TRIM5: variants seen among roughly 807,000 people sequenced by gnomAD.
TRIM5 encodes the protein tripartite motif-containing protein 5.
Under a neutral mutation model 35.6 loss-of-function variants are expected in TRIM5, and 31 were observed. The ratio of observed to expected loss-of-function variants is 0.87; its 90% CI spans 0.65 to 1.18. The LOEUF (loss-of-function observed/expected upper bound fraction) is 1.18, where lower values mean the gene tolerates loss of function less well. Among genes scored for constraint, TRIM5 ranks in the 50% most tolerant of loss-of-function variants. The probability of loss-of-function intolerance (pLI) is 0.00; values close to 1 mark genes in which losing one functional copy is unlikely to be tolerated. For synonymous variants in TRIM5, 243 were observed against 215.6 expected (o/e 1.13, Z -1.11); for missense variants, 609 against 591.6 (o/e 1.03, Z -0.31).
the TRIM5 span, chr11:5,634,513 AC>A: frequency 1.9e-6 from 1 of 532,732 alleles, no homozygotes; most frequent in Non-Finnish European, 2.9e-6. Context: ...ACACACACAC[AC>A]ACACACACAC....
At chr11:5,627,633 G>C in the TRIM5 span, among the ~76,000 whole-genome samples, 14 of 152,300 alleles carry the variant, frequency 9.2e-5, no homozygotes, top group East Asian at 2.7e-3. Context: ...CTTGGGGAGA[G>C]AGTCATTAAT....
chr11:5,656,031 G>T, the TRIM5 span, among the ~76,000 whole-genome samples: 1 of 152,076 alleles, frequency 6.6e-6, no homozygotes, highest in African/African-American at 2.4e-5. Flanking sequence ...TTAAACATAA[G>T]ACCTAAAACC....
the TRIM5 span, among the ~76,000 whole-genome samples, chr11:5,617,697 C>A: frequency 7.0e-6 from 1 of 143,202 alleles, no homozygotes; most frequent in Non-Finnish European, 1.5e-5. Context: ...GCCATGTTAG[C>A]CAGGCTGGTC....
At chr11:5,666,190 T>C (rs773304830) in intron 5 of TRIM5, 109 bp from the exon 6 acceptor site, 1 of 914,170 alleles carries the variant, frequency 1.1e-6, no homozygotes, top group Non-Finnish European at 1.7e-6. Context: ...AACTCTCTTC[T>C]TGGGGATCCT....
At position 5,665,667 on chromosome 11, in the gene TRIM5, C is replaced by A; in HGVS notation, c.884G>T (p.Arg295Leu). 1 of 1,528,754 alleles carries A rather than the reference C, an allele frequency of 6.5e-7. No individual in the cohort carries two copies. Among genetic ancestry groups the A allele is most frequent in the South Asian group, 1.4e-5 (1 of 73,886 alleles). 94.7% of individuals were successfully genotyped at this position (1,528,754 alleles called of 1,614,324 possible). The change falls in exon 7 of 8, where the codon CGA becomes CTA. Residue 295 changes from arginine to leucine, a missense_variant. Physicochemically the swap from Arg to Leu is moderately radical, Grantham distance 102. Transcript: ENST00000380034. ...LEVFRELTDVRRYWVDVTVAP... is the reference protein window; with the variant it reads ...LEVFRELTDVLRYWVDVTVAP... ...TGACTTCTCCTTACCCCAGTAGCGT[C>A]GGACATCTGTCAGCTCTGAAATGAT...
At chr11:5,623,850 A>G in the TRIM5 span, among the ~76,000 whole-genome samples, 1 of 152,190 alleles carries the variant, frequency 6.6e-6, no homozygotes, top group East Asian at 1.9e-4. Context: ...ATCACCATGC[A>G]TGAGTCAGAT....
chr11:5,668,390 T>C (rs1851307434), intron 4 of TRIM5, among the ~76,000 whole-genome samples: 1 of 152,262 alleles, frequency 6.6e-6, no homozygotes, highest in Non-Finnish European at 1.5e-5. Flanking sequence ...GTGCTCAAGA[T>C]GTTTACGCGG....
chr11:5,616,500 GTTTTT>G, the TRIM5 span, among the ~76,000 whole-genome samples: 2 of 144,816 alleles, frequency 1.4e-5, no homozygotes, highest in African/African-American at 5.0e-5. Context: ...GGGACTCTCA[GTTTTT>G]TAAACATTTG....
chr11:5,678,411 G>A lies in TRIM5; in HGVS notation c.537C>T (p.Thr179=), dbSNP rs769167185. ...SWKTQIQYDK[T]NVLADFEQLR... ...GTTGCTCAAAATCTGCCAAGACGTT[G>A]GTTTTGTCATACTGTATTTGAGTCT... Residue 179 remains threonine (T), a synonymous_variant, in exon 4 of 8, where the codon ACC becomes ACT. Transcript: ENST00000380034. The A allele has an allele frequency of 6.3e-7, 1 of 1,583,400 alleles. No homozygotes were observed.
At chr11:5,639,720 T>TTGCCTATAGG in the TRIM5 span, among the ~76,000 whole-genome samples, 4 of 142,372 alleles carry the variant, frequency 2.8e-5, no homozygotes, top group African/African-American at 7.7e-5. Context: ...TTGGAAGAGG[T>TTGCCTATAGG]TGCCTATAGG....
At chr11:5,641,741 A>G in the TRIM5 span, among the ~76,000 whole-genome samples, 1 of 152,226 alleles carries the variant, frequency 6.6e-6, no homozygotes. Context: ...AGAAGCTCCT[A>G]TGGAAAAGTG....
At chr11:5,590,019 C>T in the TRIM5 span, 3 of 156,194 alleles carry the variant, frequency 1.9e-5, no homozygotes, top group Non-Finnish European at 4.2e-5. Context: ...GCTTAGCACC[C>T]GGGCTAGCGG....
the TRIM5 span, chr11:5,632,458 A>C: frequency 6.2e-7 from 1 of 1,614,086 alleles, no homozygotes; most frequent in Non-Finnish European, 8.5e-7. Flanking sequence ...CACTGTGAGC[A>C]ACAAGGAGGC....
rs55723753 is a variant in TRIM5, at chr11:5,664,389, C to A, written c.*420G>T. 22,344 of 994,800 alleles carry A rather than the reference C, an allele frequency of 0.022. 751 individuals carry two copies. In the East Asian group the frequency reaches 0.25, roughly 11 times the overall value. 61.6% of individuals were successfully genotyped at this position (994,800 alleles called of 1,614,324 possible). A position where few individuals can be genotyped will look rare whatever the true frequency, so the allele number is the denominator to read the frequency against. ...CTCTTTAACTCACAAATAAGGGCATCGAGGGTAAACTGACACAGGGCTAAG... is the reference window on the plus strand; with the variant it reads ...CTCTTTAACTCACAAATAAGGGCATAGAGGGTAAACTGACACAGGGCTAAG... On this transcript the variant is annotated 3_prime_UTR_variant, in exon 8 of 8. Coordinates refer to ENST00000380034, the MANE Select transcript of TRIM5 (RefSeq NM_033034.3).
chr11:5,609,953 A>T, the TRIM5 span, among the ~76,000 whole-genome samples: 2 of 152,198 alleles, frequency 1.3e-5, no homozygotes, highest in Non-Finnish European at 2.9e-5. Context: ...ACACAAGTTT[A>T]TGTAGATGGT....
chr11:5,591,508 C>T, the TRIM5 span, among the ~76,000 whole-genome samples: 5 of 152,140 alleles, frequency 3.3e-5, no homozygotes, highest in South Asian at 2.1e-4. Context: ...ATTAGCTGGG[C>T]GTGTTGGCAC....
chr11:5,680,007 C>A lies in TRIM5; in HGVS notation c.171G>T (p.Val57=), dbSNP rs201444726. 4 of 1,614,170 alleles carry A rather than the reference C, an allele frequency of 2.5e-6. No homozygotes were observed. Among genetic ancestry groups the A allele is most frequent in the Non-Finnish European group, 3.4e-6 (4 of 1,180,022 alleles). ...TCTCAGGCTGGTAACTGATCCGGCA[C>A]ACAGGGCAGCTACTCTCTCCTTTGT... ...MLDKGESSCP[V]CRISYQPENI... The change falls in exon 2 of 8, where the codon GTG becomes GTT. Residue 57 remains valine, a synonymous_variant. Transcript: ENST00000380034.
chr11:5,675,840 A>C (rs1851930228), intron 4 of TRIM5, among the ~76,000 whole-genome samples: 2 of 72,368 alleles, frequency 2.8e-5, no homozygotes, highest in African/African-American at 5.1e-5. Context: ...TCCCAGTGCT[A>C]TCCCTCCCCC....
the TRIM5 span, chr11:5,610,106 G>C: frequency 6.2e-7 from 1 of 1,604,748 alleles, no homozygotes; most frequent in East Asian, 2.2e-5. Context: ...GGAACCCACA[G>C]TCAGCAGTGT....
Sources: allele counts gnomAD v4.1 joint callset (sites outside exome capture counted in the v4.1 genomes callset), GRCh38; gene constraint gnomAD v4.1.1; transcripts MANE v1.5; gene names NCBI Gene and HGNC (gene_info 2026-07-23, HGNC 2026-07-21).